The following GIGYF1 variants were observed in gnomAD, a reference collection of about 807,000 sequenced individuals.
The protein encoded by GIGYF1 is GRB10-interacting GYF protein 1.
A neutral mutation model predicts 147.1 loss-of-function variants in GIGYF1; 84 were observed. The observed-to-expected ratio is 0.57, with a 90% confidence interval of 0.48 to 0.68. The LOEUF is 0.68. Ranked by LOEUF, GIGYF1 falls within the 30% of genes least tolerant of loss-of-function variation. The pLI, the probability that GIGYF1 is intolerant of heterozygous loss-of-function variation, is 0.00. For synonymous variants in GIGYF1, 752 were observed against 589.5 expected (o/e 1.28, Z -3.99); for missense variants, 1,485 against 1,393.7 (o/e 1.07, Z -1.04).
intron 8 of GIGYF1, 105 bp downstream of exon 8, chr7:100,687,193 C>A: frequency 6.9e-7 from 1 of 1,452,566 alleles, no homozygotes; most frequent in Non-Finnish European, 9.6e-7. Flanking sequence ...ACCGGGATCT[C>A]GGACAGGGCT....
At chr7:100,690,507 C>A (rs913832928) in intron 1 of GIGYF1, among the ~76,000 whole-genome samples, 2 of 152,146 alleles carry the variant, frequency 1.3e-5, no homozygotes, top group East Asian at 1.9e-4. Context: ...AGTGGCCAGG[C>A]GTGGTGGTTC....
In GIGYF1 at chr7:100,679,826, A is replaced by C. The variant is rs1410304610; in HGVS notation, c.*1893T>G. 1 of 152,552 alleles carries C rather than the reference A, an allele frequency of 6.6e-6. No homozygotes were observed. The highest frequency in any genetic ancestry group is 1.5e-5 in the Non-Finnish European group (1 of 68,030). The allele number at this position is 152,552 out of a possible 1,614,324, so 9.4% of individuals were successfully genotyped here. ...CCCCCTATACTTCCTCACAGGGTTA[A>C]GGCCTCTCCAGGCTCATGGGCCCCC... On this transcript the variant is annotated 3_prime_UTR_variant, in exon 27 of 27. Coordinates refer to ENST00000678049, the MANE Select transcript of GIGYF1 (RefSeq NM_001375765.1).
At chr7:100,693,299 T>G (rs1488256588) in intron 1 of GIGYF1, among the ~76,000 whole-genome samples, 1 of 308 alleles carries the variant, frequency 3.2e-3, no homozygotes, top group African/African-American at 0.013. Flanking sequence ...ATTTTTTTGT[T>G]TTTTTTTTTT....
chr7:100,687,738 T>C, intron 6 of GIGYF1, 50 bp downstream of exon 6: 1 of 1,292,926 alleles, frequency 7.7e-7, no homozygotes. Context: ...ACCCAACCCA[T>C]GGCCTCCCCT....
Position 100,685,830 on chromosome 7 carries a change from G to GTTCCTCC in GIGYF1, c.1054+137_1054+143dup, listed in dbSNP as rs754876112. ...GAAGACATGGCTCTGCTACCCCCTGGTTCCTCCCCACCTCTCAGCACTCTT... is the reference window on the plus strand; with the variant it reads ...GAAGACATGGCTCTGCTACCCCCTGGTTCCTCCTTCCTCCCCACCTCTCAGCACTCTT... On this transcript the variant is annotated intron_variant, in intron 12 of 26. Coordinates refer to ENST00000678049, the MANE Select transcript of GIGYF1 (RefSeq NM_001375765.1). The GTTCCTCC allele has an allele frequency of 8.9e-4, 591 of 665,408 alleles. 2 individuals carry two copies. The highest frequency in any genetic ancestry group is 1.1e-3 in the Non-Finnish European group (434 of 389,084). 41.2% of individuals were successfully genotyped at this position (665,408 alleles called of 1,614,324 possible).
chr7:100,683,553 A>C lies in GIGYF1; in HGVS notation c.2049T>G (p.His683Gln). The change falls in exon 20 of 27, where the codon CAT (histidine) becomes CAG (glutamine). Residue 683 changes from histidine to glutamine, a missense_variant. His to Gln is a conservative substitution (Grantham distance 24). Coordinates refer to ENST00000678049, the MANE Select transcript of GIGYF1 (RefSeq NM_001375765.1). ...GPILEQLQLQ[H>Q]KFQERREVEL... ...CAGCCCCAGGATGCCCACTCACTTTATGTTGCAGCTGGAGTTGTTCTAGAA... is the reference window on the plus strand; with the variant it reads ...CAGCCCCAGGATGCCCACTCACTTTCTGTTGCAGCTGGAGTTGTTCTAGAA... The C allele has an allele frequency of 3.7e-6, 6 of 1,614,048 alleles. No individual in the cohort carries two copies. The highest frequency in any genetic ancestry group is 5.1e-6 in the Non-Finnish European group (6 of 1,179,896).
Position 100,681,354 on chromosome 7 carries a change from T to C in GIGYF1, c.*365A>G, listed in dbSNP as rs1414892701. ...TTTTTTTTCATTTTTCATCTTTTTT[T>C]CTTAAAAAAAAAAAAAAAACCAAAA... On this transcript the variant is annotated 3_prime_UTR_variant, in exon 27 of 27. Coordinates refer to ENST00000678049, the MANE Select transcript of GIGYF1 (RefSeq NM_001375765.1). 34 of 87,404 alleles carry C rather than the reference T, an allele frequency of 3.9e-4. No individual in the cohort carries two copies. The Admixed American group carries it at 5.8e-3, about 15-fold the overall frequency. 5.4% of individuals were successfully genotyped at this position (87,404 alleles called of 1,614,324 possible).
chr7:100,687,117 C>G (rs1805432332), intron 8 of GIGYF1, 71 bp from the exon 9 acceptor site: 2 of 1,592,030 alleles, frequency 1.3e-6, no homozygotes, highest in Admixed American at 3.3e-5. Context: ...CCGCCCCATG[C>G]CTTGTCCACT....
rs1284384084 is a variant in GIGYF1 at position 100,687,544 on chromosome 7, C to A, written c.334G>T (p.Ala112Ser). 1 of 1,612,514 alleles carries A rather than the reference C, an allele frequency of 6.2e-7. No homozygotes were observed. Among genetic ancestry groups the A allele is most frequent in the Non-Finnish European group, 8.5e-7 (1 of 1,179,776 alleles). The change falls in exon 7 of 27, where the codon GCT (alanine) becomes TCT (serine). Residue 112 changes from alanine to serine, a missense_variant. By Grantham distance (99) the Ala-to-Ser change is moderately conservative (BLOSUM62 1). Coordinates refer to ENST00000678049, the MANE Select transcript of GIGYF1 (RefSeq NM_001375765.1). ...CTGCCCCTGCCTCGGGAGGTGCCAGCCAGGGGGGGGCCAGCCCCTTTCCCC... is the reference window on the plus strand; with the variant it reads ...CTGCCCCTGCCTCGGGAGGTGCCAGACAGGGGGGGGCCAGCCCCTTTCCCC... ...LMGKGAGPPLAGTSRGRGSTR... is the reference protein window; with the variant it reads ...LMGKGAGPPLSGTSRGRGSTR...
chr7:100,682,851 T>C, intron 22 of GIGYF1, 74 bp from the exon 23 acceptor site: 1 of 1,433,510 alleles, frequency 7.0e-7, no homozygotes, highest in Non-Finnish European at 9.3e-7. Context: ...CTTGTTTAGG[T>C]GGCAAAGGGA....
At chr7:100,684,982 G>C in intron 14 of GIGYF1, 67 bp downstream of exon 14, 1 of 1,560,796 alleles carries the variant, frequency 6.4e-7, no homozygotes, top group Non-Finnish European at 8.7e-7. Flanking sequence ...GCTGGGGCCG[G>C]GGCTGGGGCC....
chr7:100,688,077 G>A lies in GIGYF1; in HGVS notation c.69C>T (p.Ala23=), dbSNP rs1805547543. The change falls in exon 5 of 27, where the codon GCC becomes GCT. Residue 23 remains alanine (A), a synonymous_variant. Coordinates refer to ENST00000678049, the MANE Select transcript of GIGYF1 (RefSeq NM_001375765.1). ...LRALSGGGSV[A]SPPPSPAMPK... ...GCATGGCAGGGGACGGGGGTGGGGA[G>A]GCCACGCTGCCGCCCCCGGACAGGG... 1.2e-6 allele frequency: 2 copies of A among 1,611,846 alleles called. No homozygotes were observed. Among genetic ancestry groups the A allele is most frequent in the African/African-American group, 2.7e-5 (2 of 75,024 alleles).
chr7:100,683,710 C>T, intron 19 of GIGYF1, 78 bp from the exon 20 acceptor site: 1 of 1,556,822 alleles, frequency 6.4e-7, no homozygotes, highest in East Asian at 2.2e-5. Flanking sequence ...CAGCAGTGGG[C>T]TCCCCAGCCA....
intron 1 of GIGYF1, among the ~76,000 whole-genome samples, chr7:100,690,619 T>G (rs1206865999): frequency 6.6e-6 from 1 of 151,812 alleles, no homozygotes; most frequent in Non-Finnish European, 1.5e-5. Flanking sequence ...CTGTCTCTAC[T>G]AAAAATACAA....
rs748920328 is a variant in GIGYF1 at position 100,682,445 on chromosome 7, T to G, written c.2638A>C (p.Lys880Gln). The change falls in exon 24 of 27, where the codon AAA becomes CAA. Residue 880 changes from lysine (K) to glutamine (Q), a missense_variant. Transcript: ENST00000678049. ...YSHLSGRPIR[K>Q]KTEEEEKLLK... is the part of the protein sequence containing the mutation. ...AGCTTCTCTTCTTCCTCCGTCTTTT[T>G]GCGAATGGGCCGACCCGATAGGTGG... The G allele has an allele frequency of 3.1e-6, 5 of 1,613,378 alleles. No individual in the cohort carries two copies. The South Asian group carries it at 5.5e-5, about 18-fold the overall frequency.
rs568247705 is a variant in GIGYF1, at chr7:100,683,311, C to T, written c.2186G>A (p.Arg729His). The T allele has an allele frequency of 1.1e-5, 17 of 1,613,844 alleles. No homozygotes were observed. The highest frequency in any genetic ancestry group is 2.2e-5 in the South Asian group (2 of 91,082). The change falls in exon 21 of 27, where the codon CGC (arginine) becomes CAC (histidine). Residue 729 changes from arginine to histidine, a missense_variant. Coordinates refer to ENST00000678049, the MANE Select transcript of GIGYF1 (RefSeq NM_001375765.1). ...AGGCTTGGGAGCACCCACGTGCTTG[C>T]GCCGAAACAGCTCTTCCTCCTCCTG... ...RRQEEEELFR[R>H]KHVRQQELLL...
rs2131410291 is a variant in GIGYF1 at position 100,693,722 on chromosome 7, G to C, written c.-1099+388C>G. The stretch of plus-strand genomic sequence containing the variant: ...CAGGGCAGGGCTTGGCAGGGGCCCG[G>C]GGGCGACCGTTAGGAGCGCGGGGGT... On this transcript the variant is annotated intron_variant, in intron 1 of 26. Coordinates refer to ENST00000678049, the MANE Select transcript of GIGYF1 (RefSeq NM_001375765.1). Among the ~76,000 whole-genome samples, 4 of 152,112 alleles carry C rather than the reference G, an allele frequency of 2.6e-5. No homozygotes were observed. The East Asian group carries it at 7.8e-4, about 30-fold the overall frequency.
At position 100,686,751 on chromosome 7, in the gene GIGYF1, A is replaced by G; in HGVS notation, c.592T>C (p.Trp198Arg). The G allele has an allele frequency of 6.2e-7, 1 of 1,613,892 alleles. No individual in the cohort carries two copies. The highest frequency in any genetic ancestry group is 8.5e-7 in the Non-Finnish European group (1 of 1,179,988). ...TCCTGTTCCTCCCGTAGGGAGCGCC[A>G]GTTCTCGCTGTCTGAGCGGGCGTGC... ...KEHARSDSEN[W>R]RSLREEQEEE... is the part of the protein sequence containing the mutation. The change falls in exon 10 of 27, where the codon TGG (tryptophan) becomes CGG (arginine). Residue 198 changes from tryptophan to arginine, a missense_variant. Trp to Arg is a moderately radical substitution (Grantham distance 101). Transcript: ENST00000678049.
intron 21 of GIGYF1, 21 bp downstream of exon 21, chr7:100,683,283 C>T (rs1207542477): frequency 6.2e-7 from 1 of 1,613,672 alleles, no homozygotes; most frequent in Admixed American, 1.7e-5. Flanking sequence ...ACCCAGCCAG[C>T]TGAGGCTTGG....
Sources: allele counts gnomAD v4.1 joint callset (sites outside exome capture counted in the v4.1 genomes callset), GRCh38; gene constraint gnomAD v4.1.1; transcripts MANE v1.5; gene names NCBI Gene and HGNC (gene_info 2026-07-23, HGNC 2026-07-21).